The following CD44 variants were observed in gnomAD, a reference collection of about 807,000 sequenced individuals.
CD44 encodes the protein CD44 molecule (IN blood group), also known as CD44 antigen.
A neutral mutation model predicts 88.8 loss-of-function variants in CD44; 49 were observed. The observed-to-expected ratio is 0.55, with a 90% CI of 0.44 to 0.70. The LOEUF (loss-of-function observed/expected upper bound fraction) is 0.70. CD44 is among the 30% of genes least tolerant of loss of function. The pLI, the probability that CD44 is intolerant of heterozygous loss-of-function variation, is 0.00. For missense variants in CD44, 883 were observed against 913.8 expected, an observed-to-expected ratio of 0.97 and a Z score of 0.43; for synonymous variants, 325 against 312.3, an observed-to-expected ratio of 1.04 and a Z score of -0.43.
At chr11:35,213,726 T>C (rs1948611190) in intron 14 of CD44, 1 of 152,316 alleles carries the variant, frequency 6.6e-6, no homozygotes, top group East Asian at 1.9e-4. Flanking sequence ...ATGGTGATAA[T>C]GATGGTGATG....
rs1950090719 is a variant in CD44, at chr11:35,232,178, C to A, written c.*2845C>A. On this transcript the variant is annotated 3_prime_UTR_variant, in exon 18 of 18. Transcript: ENST00000428726. ...GTTATAGATATGTCTTTGTGTAAAT[C>A]ATTTGTTTTGAGTTTTCAAAGAATA... 1 of 152,520 alleles carries A rather than the reference C, an allele frequency of 6.6e-6. No individual in the cohort carries two copies. Among genetic ancestry groups the A allele is most frequent in the African/African-American group, 2.4e-5 (1 of 41,412 alleles). 9.4% of individuals were successfully genotyped at this position (152,520 alleles called of 1,614,324 possible). A position where few individuals can be genotyped will look rare whatever the true frequency, so the allele number is the denominator to read the frequency against.
At chr11:35,157,824 A>G (rs987233970) in intron 1 of CD44, among the ~76,000 whole-genome samples, 10 of 152,182 alleles carry the variant, frequency 6.6e-5, no homozygotes, top group African/African-American at 2.2e-4. Context: ...TCCTCTAGAG[A>G]CAGGACTGTT....
intron 1 of CD44, among the ~76,000 whole-genome samples, chr11:35,161,518 G>T (rs3794116): frequency 6.6e-6 from 1 of 152,302 alleles, no homozygotes. Context: ...CCTTGCAAGC[G>T]TTCAGAGGGC....
intron 1 of CD44, among the ~76,000 whole-genome samples, chr11:35,157,905 G>A (rs1185358828): frequency 6.6e-6 from 1 of 152,174 alleles, no homozygotes; most frequent in Non-Finnish European, 1.5e-5. Context: ...GGGAGTGCTC[G>A]GTGTGGCTCC....
At chr11:35,156,330 C>T (rs1941860687) in intron 1 of CD44, among the ~76,000 whole-genome samples, 1 of 152,096 alleles carries the variant, frequency 6.6e-6, no homozygotes, top group African/African-American at 2.4e-5. Context: ...TTTCCCATTC[C>T]TTTTTTATCA....
At chr11:35,220,915 C>T (rs72916162) in intron 16 of CD44, among the ~76,000 whole-genome samples, 20,466 of 151,896 alleles carry the variant, frequency 0.13, 1,485 homozygotes, top group Admixed American at 0.17. Context: ...TACAGCATGC[C>T]ACCATGCCCA....
chr11:35,229,707 G>T lies in CD44; in HGVS notation c.*374G>T, dbSNP rs1270547522. On this transcript the variant is annotated 3_prime_UTR_variant, in exon 18 of 18. Transcript: ENST00000428726. Reference sequence around the variant, plus strand: ...ACATTTCCCAGGGTTAATAGGGCCTGGTCCCTGGGAGGAAATTTGAATGGG... The same window carrying T: ...ACATTTCCCAGGGTTAATAGGGCCTTGTCCCTGGGAGGAAATTTGAATGGG... The T allele has an allele frequency of 9.8e-6, 2 of 203,922 alleles. No homozygotes were observed. Among genetic ancestry groups the T allele is most frequent in the Admixed American group, 5.2e-5 (1 of 19,150 alleles). The allele number at this position is 203,922 out of a possible 1,614,324, so 12.6% of individuals were successfully genotyped here.
At chr11:35,184,186 T>G (rs1945429069) in intron 3 of CD44, among the ~76,000 whole-genome samples, 1 of 152,190 alleles carries the variant, frequency 6.6e-6, no homozygotes, top group African/African-American at 2.4e-5. Context: ...GTCTGTTAAT[T>G]GCACATTTGG....
chr11:35,144,167 T>C (rs903079957), intron 1 of CD44, among the ~76,000 whole-genome samples: 3 of 152,116 alleles, frequency 2.0e-5, no homozygotes, highest in African/African-American at 4.8e-5. Flanking sequence ...GAGGAGGTGG[T>C]TGGAGATCAC....
Position 35,196,870 on chromosome 11 carries a change from G to A in CD44, c.792G>A (p.Met264Ile). ...SKNHLHTTTQ[M>I]AGTSSNTISA... is the part of the protein sequence containing the mutation. ...ATCATCTTCACACAACAACACAAAT[G>A]GCTGGTAATGAGTTATTATTATCTC... The change falls in exon 6 of 18, where the codon ATG becomes ATA. Residue 264 changes from methionine (M) to isoleucine (I), a missense_variant. Coordinates refer to ENST00000428726, the MANE Select transcript of CD44 (RefSeq NM_000610.4). 6.2e-7 allele frequency: 1 copy of A among 1,613,130 alleles called. No homozygotes were observed. The highest frequency in any genetic ancestry group is 1.1e-5 in the South Asian group (1 of 91,008).
chr11:35,221,284 C>T (rs1191780059), intron 16 of CD44, among the ~76,000 whole-genome samples: 1 of 152,188 alleles, frequency 6.6e-6, no homozygotes, highest in East Asian at 1.9e-4. Flanking sequence ...GGTGGATGCT[C>T]TTATACAGGA....
chr11:35,167,186 AAGATAGATC>A (rs374690633), intron 1 of CD44, among the ~76,000 whole-genome samples: 25 of 152,332 alleles, frequency 1.6e-4, no homozygotes, highest in African/African-American at 6.0e-4. Flanking sequence ...CCTCTTATGA[AAGATAGATC>A]AGTAGCAACA....
At chr11:35,168,545 A>T (rs1184627201) in intron 1 of CD44, among the ~76,000 whole-genome samples, 2 of 152,228 alleles carry the variant, frequency 1.3e-5, no homozygotes, top group Non-Finnish European at 2.9e-5. Flanking sequence ...TTAGAACACC[A>T]TTGAGTAGCA....
chr11:35,207,904 C>T (rs1454241103), intron 11 of CD44, among the ~76,000 whole-genome samples: 3 of 152,188 alleles, frequency 2.0e-5, no homozygotes, highest in East Asian at 1.9e-4. Flanking sequence ...TATAACTCGG[C>T]CCTTCAAGGA....
chr11:35,140,661 T>C (rs989751585), intron 1 of CD44, among the ~76,000 whole-genome samples: 1 of 152,114 alleles, frequency 6.6e-6, no homozygotes, highest in African/African-American at 2.4e-5. Flanking sequence ...GTGAGAGGTC[T>C]TTGCTAGGTG....
At chr11:35,147,764 TTGCAAGTGTTCACTATTA>T (rs1859462975) in intron 1 of CD44, among the ~76,000 whole-genome samples, 2 of 152,122 alleles carry the variant, frequency 1.3e-5, no homozygotes, top group South Asian at 2.1e-4. Flanking sequence ...TAAAGCCCCT[TTGCAAGTGTTCACTATTA>T]TGCACATTAA....
chr11:35,210,330 ATTTAT>A, intron 13 of CD44: 1 of 197,460 alleles, frequency 5.1e-6, no homozygotes, highest in Non-Finnish European at 1.0e-5. Flanking sequence ...CTTATATATG[ATTTAT>A]TTTATTTATT....
intron 3 of CD44, among the ~76,000 whole-genome samples, chr11:35,181,874 T>TA (rs1491533138): frequency 1.2e-5 from 1 of 80,170 alleles, no homozygotes; most frequent in African/African-American, 6.2e-5. Context: ...TATATATATA[T>TA]TATATATAAT....
In CD44 at chr11:35,186,867, C is replaced by T; in HGVS notation, c.403C>T (p.Leu135=). Residue 135 remains leucine (L), a synonymous_variant, in exon 4 of 18, where the codon CTG becomes TTG. Transcript: ENST00000428726. The stretch of plus-strand genomic sequence containing the variant: ...AGAAGATTGTACATCAGTCACAGAC[C>T]TGCCCAATGCCTTTGATGGACCAAT... The part of the protein sequence containing the change: ...PEEDCTSVTD[L]PNAFDGPITI... 3 of 1,607,548 alleles carry T rather than the reference C, an allele frequency of 1.9e-6. No homozygotes were observed. The highest frequency in any genetic ancestry group is 2.6e-6 in the Non-Finnish European group (3 of 1,174,078).
Sources: gnomAD v4.1 joint callset for allele counts (sites outside exome capture counted in the v4.1 genomes callset) on GRCh38, gnomAD v4.1.1 for gene constraint, MANE v1.5 for transcripts, NCBI Gene and HGNC (gene_info 2026-07-23, HGNC 2026-07-21) for gene names.